ULK1: variants seen among roughly 807,000 people sequenced by gnomAD.
ULK1 encodes unc-51 like autophagy activating kinase 1, also known as serine/threonine-protein kinase ULK1.
A neutral mutation model predicts 117.5 loss-of-function variants in ULK1; 48 were observed. The observed-to-expected ratio is 0.41, with a 90% CI of 0.32 to 0.52. The LOEUF is 0.52. Ranked by LOEUF, ULK1 falls within the 20% of genes least tolerant of loss-of-function variation. The pLI, the probability that ULK1 is intolerant of heterozygous loss-of-function variation, is 0.29. For missense variants in ULK1, 1,387 were observed against 1,473.4 expected, an observed-to-expected ratio of 0.94 and a Z score of 0.96; for synonymous variants, 790 against 637.8, an observed-to-expected ratio of 1.24 and a Z score of -3.60.
chr12:131,917,689 G>A (rs1036054930), intron 22 of ULK1, 135 bp downstream of exon 22: 3 of 941,148 alleles, frequency 3.2e-6, no homozygotes, highest in South Asian at 4.4e-5. Context: ...AGCAGCTCAG[G>A]CCCCTGAGAA....
chr12:131,918,757 GGTATAGGGT>G (rs1889983229), intron 23 of ULK1, 76 bp downstream of exon 23: 3 of 1,422,904 alleles, frequency 2.1e-6, no homozygotes, highest in Non-Finnish European at 1.9e-6. Context: ...GGGTGTGTGG[GGTATAGGGT>G]GTGTGGGGTG....
intron 3 of ULK1, among the ~76,000 whole-genome samples, chr12:131,899,422 A>G (rs1889003024): frequency 6.6e-6 from 1 of 152,066 alleles, no homozygotes; most frequent in Non-Finnish European, 1.5e-5. Context: ...TCCCGACCTC[A>G]GGTGATCCGC....
intron 3 of ULK1, chr12:131,896,874 C>T: frequency 6.6e-6 from 1 of 152,546 alleles, no homozygotes; most frequent in Non-Finnish European, 1.5e-5. Flanking sequence ...GACAGCTGTC[C>T]CTGGCCAGGC....
chr12:131,913,878 T>TC, intron 15 of ULK1, 42 bp downstream of exon 15: 1 of 1,427,676 alleles, frequency 7.0e-7, no homozygotes, highest in Non-Finnish European at 9.3e-7. Flanking sequence ...CTGTGAACAG[T>TC]CCCCCGGCTG....
intron 3 of ULK1, among the ~76,000 whole-genome samples, chr12:131,900,306 C>CTCAA (rs1480896305): frequency 2.6e-5 from 4 of 152,126 alleles, no homozygotes; most frequent in Non-Finnish European, 4.4e-5. Flanking sequence ...TGTTTGTTGA[C>CTCAA]TGTTGAGGTT....
Position 131,921,655 on chromosome 12 carries a change from C to G in ULK1, c.*294C>G. ...CGTGGGTGCCACCACCCTCTAGCCC[C>G]AGGGCAGCCCCGGAGGACAGGCAAG... On this transcript the variant is annotated 3_prime_UTR_variant, in exon 28 of 28. Transcript: ENST00000321867. 1 of 606,138 alleles carries G rather than the reference C, an allele frequency of 1.6e-6. No homozygotes were observed. Among genetic ancestry groups the G allele is most frequent in the South Asian group, 1.9e-5 (1 of 52,634 alleles). 37.5% of individuals were successfully genotyped at this position (606,138 alleles called of 1,614,324 possible). A position where few individuals can be genotyped will look rare whatever the true frequency, so the allele number is the denominator to read the frequency against.
intron 18 of ULK1, 122 bp downstream of exon 18, chr12:131,915,543 AG>A (rs1889739870): frequency 8.1e-7 from 1 of 1,238,940 alleles, no homozygotes. Flanking sequence ...CTGGTGGAAC[AG>A]AAGCCAACTG....
intron 16 of ULK1, 79 bp from the exon 17 acceptor site, chr12:131,915,004 T>A (rs932409667): frequency 3.3e-6 from 5 of 1,497,220 alleles, no homozygotes; most frequent in Non-Finnish European, 2.7e-6. Context: ...AATACCTGCC[T>A]TGTCCCCAGG....
At position 131,918,538 on chromosome 12, in the gene ULK1, G is replaced by A. The variant is rs775533457; in HGVS notation, c.2368G>A (p.Val790Met). 1 of 1,610,868 alleles carries A rather than the reference G, an allele frequency of 6.2e-7. No individual in the cohort carries two copies. Among genetic ancestry groups the A allele is most frequent in the African/African-American group, 1.3e-5 (1 of 74,836 alleles). Residue 790 changes from valine (V) to methionine (M), a missense_variant, in exon 23 of 28, where the codon GTG (valine) becomes ATG (methionine). Coordinates refer to ENST00000321867, the MANE Select transcript of ULK1 (RefSeq NM_003565.4). ...GSASSSARHL[V>M]PGPCSEAPAP... ...TGCCAGCTCTTCTGCCCGCCACCTG[G>A]TGCCTGGGCCCTGCAGCGAGGCCCC...
intron 23 of ULK1, 150 bp from the exon 24 acceptor site, chr12:131,919,062 T>C: frequency 1.3e-6 from 1 of 764,688 alleles, no homozygotes; most frequent in East Asian, 2.8e-5. Flanking sequence ...GTGTGTGGGG[T>C]GTCGGGCGTG....
Position 131,896,788 on chromosome 12 carries a change from C to T in ULK1, c.246+964C>T, listed in dbSNP as rs182244896. 2.9e-3 allele frequency: 437 copies of T among 152,840 alleles called. 1 individual carries two copies. The highest frequency in any genetic ancestry group is 4.6e-3 in the Non-Finnish European group (314 of 68,342). 9.5% of individuals were successfully genotyped at this position (152,840 alleles called of 1,614,324 possible). ...CCTCCCTTCCTCCTCTTTCCTCATCCTCTCCATGTTTGGAAGCCTCCTGCC... is the reference window on the plus strand; with the variant it reads ...CCTCCCTTCCTCCTCTTTCCTCATCTTCTCCATGTTTGGAAGCCTCCTGCC... On this transcript the variant is annotated intron_variant, in intron 3 of 27. Transcript: ENST00000321867.
chr12:131,908,857 G>T, intron 6 of ULK1, 40 bp downstream of exon 6: 4 of 1,606,690 alleles, frequency 2.5e-6, no homozygotes, highest in Non-Finnish European at 3.4e-6. Context: ...GCGGGGAGGG[G>T]CTCCGGGGCC....
chr12:131,910,692 C>G lies in ULK1; in HGVS notation c.860-20C>G. ...GAGACAGGAGGATGGCCCAGACTGA[C>G]CTATGCATGTTTATCTCAGCCCCAC... On this transcript the variant is annotated intron_variant, in intron 11 of 27. Coordinates refer to ENST00000321867, the MANE Select transcript of ULK1 (RefSeq NM_003565.4). 1 of 1,613,062 alleles carries G rather than the reference C, an allele frequency of 6.2e-7. No homozygotes were observed. Among genetic ancestry groups the G allele is most frequent in the Non-Finnish European group, 8.5e-7 (1 of 1,179,902 alleles).
chr12:131,901,801 G>A (rs1436787011), intron 3 of ULK1, among the ~76,000 whole-genome samples: 1 of 152,040 alleles, frequency 6.6e-6, no homozygotes, highest in African/African-American at 2.4e-5. Flanking sequence ...GTTTTTACTG[G>A]GGTGTGCGCC....
rs200492543 is a variant in ULK1 at position 131,916,421 on chromosome 12, G to A, written c.1902G>A (p.Pro634=). The A allele has an allele frequency of 5.3e-5, 84 of 1,591,560 alleles. No individual in the cohort carries two copies. Among genetic ancestry groups the A allele is most frequent in the Middle Eastern group, 1.7e-4 (1 of 5,932 alleles). The stretch of plus-strand genomic sequence containing the variant: ...AGGCTGTGCCCTCCTTTGACTTCCC[G>A]AAGACCCCCAGCTCCCAGAACCTGC... The part of the protein sequence containing the change: ...PTKAVPSFDF[P]KTPSSQNLLA... Residue 634 remains proline, a synonymous_variant, in exon 20 of 28, where the codon CCG becomes CCA. Coordinates refer to ENST00000321867, the MANE Select transcript of ULK1 (RefSeq NM_003565.4).
chr12:131,922,833 C>T lies in ULK1; in HGVS notation c.*1472C>T, dbSNP rs1429566131. 2.6e-5 allele frequency: 4 copies of T among 152,552 alleles called. No individual in the cohort carries two copies. The East Asian group carries it at 5.8e-4, about 22-fold the overall frequency. 9.4% of individuals were successfully genotyped at this position (152,552 alleles called of 1,614,324 possible). A position where few individuals can be genotyped will look rare whatever the true frequency, so the allele number is the denominator to read the frequency against. Reference sequence around the variant, plus strand: ...AAGAAGAAAATCCCCGTGACTTCTTCCTCATCACCTTGATGGCTTTATTCT... The same window carrying T: ...AAGAAGAAAATCCCCGTGACTTCTTTCTCATCACCTTGATGGCTTTATTCT... On this transcript the variant is annotated 3_prime_UTR_variant, in exon 28 of 28. Transcript: ENST00000321867.
Position 131,915,244 on chromosome 12 carries a change from G to A in ULK1, c.1522+13G>A. 6.2e-7 allele frequency: 1 copy of A among 1,604,572 alleles called. No individual in the cohort carries two copies. Among genetic ancestry groups the A allele is most frequent in the South Asian group, 1.1e-5 (1 of 89,998 alleles). ...CCATCTCCTCAAGGTGCGCCTGCAG[G>A]CTGGGGCCTGGGAAGGGGCGTCTGT... On this transcript the variant is annotated intron_variant, in intron 17 of 27. Transcript: ENST00000321867.
rs1889176495 is a variant in ULK1, at chr12:131,903,837, C to T, written c.247-3055C>T. Among the ~76,000 whole-genome samples the T allele has an allele frequency of 6.6e-6, 1 of 152,100 alleles. No homozygotes were observed. Among genetic ancestry groups the T allele is most frequent in the Admixed American group, 6.5e-5 (1 of 15,282 alleles). On this transcript the variant is annotated intron_variant, in intron 3 of 27. Transcript: ENST00000321867. This position sits in a 1 kb window ranked among gnomAD's most constrained non-coding sequence, Gnocchi z 6.0. ...CCACTCCCTCCTGGGAGCTGGTGCC[C>T]CCTGAGGTTTTGGGGACAGAGGAGG...
intron 12 of ULK1, among the ~76,000 whole-genome samples, chr12:131,911,439 G>A (rs1321495690): frequency 6.6e-6 from 1 of 152,206 alleles, no homozygotes; most frequent in East Asian, 1.9e-4. Context: ...GTAGGGAGCT[G>A]TGGCATCCGC....
Sources: gnomAD v4.1 joint callset for allele counts (sites outside exome capture counted in the v4.1 genomes callset) on GRCh38, gnomAD v4.1.1 for gene constraint, Gnocchi (gnomAD v3.1) non-coding constraint, MANE v1.5 for transcripts, NCBI Gene and HGNC (gene_info 2026-07-23, HGNC 2026-07-21) for gene names.